Variants in BRAP observed in about 807,000 individuals in gnomAD.
BRAP encodes BRCA1-associated protein.
BRAP carries 42 observed loss-of-function variants against 73.4 expected under a neutral mutation model. The observed-to-expected ratio is 0.57, with a 90% CI of 0.45 to 0.74. The LOEUF (loss-of-function observed/expected upper bound fraction) is 0.74, where lower values mean the gene tolerates loss of function less well. BRAP is among the 30% of genes least tolerant of loss of function. The probability of loss-of-function intolerance (pLI) is 0.00; values close to 1 mark genes in which losing one functional copy is unlikely to be tolerated. For synonymous variants in BRAP, 255 were observed against 267.4 expected, an observed-to-expected ratio of 0.95 and a Z score of 0.45; for missense variants, 593 against 751.4, an observed-to-expected ratio of 0.79 and a Z score of 2.46.
intron 7 of BRAP, 88 bp downstream of exon 7, chr12:111,660,512 A>T (rs1886705779): frequency 8.7e-7 from 1 of 1,143,566 alleles, no homozygotes; most frequent in South Asian, 1.9e-5. Context: ...ATAAATTAAA[A>T]ATAAAGAACT....
At chr12:111,647,178 GGAGGACCACTT>G (rs1238160666) in intron 11 of BRAP, among the ~76,000 whole-genome samples, 15 of 152,126 alleles carry the variant, frequency 9.9e-5, no homozygotes, top group Non-Finnish European at 2.1e-4. Context: ...GCTCAGACTA[GGAGGACCACTT>G]GAGCCCAGTA....
chr12:111,671,502 A>G (rs538713073), intron 5 of BRAP, among the ~76,000 whole-genome samples: 13 of 152,134 alleles, frequency 8.5e-5, no homozygotes, highest in Admixed American at 3.9e-4. Context: ...GTGAGCCAAG[A>G]GAGTGCCACT....
intron 5 of BRAP, among the ~76,000 whole-genome samples, chr12:111,671,906 G>A (rs1186466483): frequency 1.3e-5 from 2 of 151,792 alleles, no homozygotes; most frequent in African/African-American, 4.8e-5. Flanking sequence ...GCCTGGTCTC[G>A]AATTCCTACA....
chr12:111,656,645 C>T (rs1331721479), intron 9 of BRAP, among the ~76,000 whole-genome samples: 2 of 152,198 alleles, frequency 1.3e-5, no homozygotes, highest in African/African-American at 4.8e-5. Context: ...TGCTACTGAA[C>T]CCTAAGCTCC....
rs1192153979 is a variant in BRAP, at chr12:111,681,845, G to T, written c.245-10C>A. The T allele has an allele frequency of 1.3e-6, 2 of 1,596,104 alleles. No individual in the cohort carries two copies. The highest frequency in any genetic ancestry group is 2.7e-5 in the African/African-American group (2 of 73,782). ...GTAGTTTTTAGTTCATCTTTCACCA[G>T]TTAAAAAATAGCAGATTATAAATGG... On this transcript the variant is annotated splice_polypyrimidine_tract_variant and intron_variant, in intron 2 of 11. Coordinates refer to ENST00000419234, the MANE Select transcript of BRAP (RefSeq NM_006768.5).
intron 4 of BRAP, among the ~76,000 whole-genome samples, chr12:111,676,693 G>A (rs1402918743): frequency 6.6e-6 from 1 of 152,178 alleles, no homozygotes; most frequent in Non-Finnish European, 1.5e-5. Context: ...TGGGATTAAA[G>A]GCATGAGGCA....
At position 111,665,766 on chromosome 12, in the gene BRAP, C is replaced by A. The variant is rs1566120105; in HGVS notation, c.769G>T (p.Asp257Tyr). 2 of 1,614,202 alleles carry A rather than the reference C, an allele frequency of 1.2e-6. No homozygotes were observed. The highest frequency in any genetic ancestry group is 1.6e-4 in the Middle Eastern group (1 of 6,062). Residue 257 changes from aspartate to tyrosine, a missense_variant, in exon 6 of 12, where the codon GAC (aspartate) becomes TAC (tyrosine). Around this residue, in one of 4 missense-constraint regions of BRAP, gnomAD observed 304 missense variants for 337.7 expected, o/e 0.90. Transcript: ENST00000419234. The surrounding 1 kb of genome is among the most constrained non-coding windows in gnomAD (Gnocchi z 4.3). ...SEDGASLPVM[D>Y]LTELPKCTVC... ...GTGCACTTGGGGAGTTCAGTCAGGT[C>A]CATCACTGGGAGGCTGGCGCCCTAC...
chr12:111,658,708 T>C (rs1388089228), intron 9 of BRAP, 28 bp downstream of exon 9: 1 of 1,403,578 alleles, frequency 7.1e-7, no homozygotes, highest in Non-Finnish European at 1.0e-6. Context: ...TAGAAACAGA[T>C]AGAGTGATAA....
intron 6 of BRAP, among the ~76,000 whole-genome samples, chr12:111,664,546 C>T (rs905670319): frequency 4.1e-4 from 62 of 152,162 alleles, no homozygotes; most frequent in African/African-American, 1.5e-3. Context: ...GACTCCTGTC[C>T]AGCTAAATAA....
intron 11 of BRAP, among the ~76,000 whole-genome samples, chr12:111,644,779 G>T (rs1333639179): frequency 6.6e-6 from 1 of 151,784 alleles, no homozygotes. Context: ...TTTTTGAGAC[G>T]GAGTTTCGCT....
At chr12:111,672,235 G>A (rs1171398870) in intron 5 of BRAP, among the ~76,000 whole-genome samples, 1 of 152,078 alleles carries the variant, frequency 6.6e-6, no homozygotes, top group East Asian at 1.9e-4. Context: ...AGAATTAGGA[G>A]TTAATATTGA....
At chr12:111,655,504 C>T (rs954721106) in intron 10 of BRAP, 62 bp downstream of exon 10, 5 of 1,328,424 alleles carry the variant, frequency 3.8e-6, no homozygotes, top group Non-Finnish European at 5.4e-6. Flanking sequence ...GCCTTCCACA[C>T]CCCCCATCAG....
chr12:111,651,165 A>C (rs948165322), intron 10 of BRAP, among the ~76,000 whole-genome samples: 2 of 147,670 alleles, frequency 1.4e-5, no homozygotes, highest in Non-Finnish European at 2.9e-5. Flanking sequence ...GATCAGCTAG[A>C]CCTTTCTTTT....
Position 111,672,940 on chromosome 12 carries a change from CT to C in BRAP, c.634-167del, listed in dbSNP as rs1233771057. On this transcript the variant is annotated intron_variant, in intron 4 of 11. Transcript: ENST00000419234. ...ACATCTACTGAAGCTGATTGGTAGG[CT>C]AATCACACTCTGTAAGTCAATATTC... The C allele has an allele frequency of 6.9e-6, 4 of 579,980 alleles. No homozygotes were observed. In the African/African-American group the frequency reaches 7.5e-5, roughly 11 times the overall value. 35.9% of individuals were successfully genotyped at this position (579,980 alleles called of 1,614,324 possible).
chr12:111,682,497 CAAAAAAA>C (rs11366915), intron 2 of BRAP, among the ~76,000 whole-genome samples: 3 of 77,906 alleles, frequency 3.9e-5, no homozygotes, highest in Non-Finnish European at 7.3e-5. Context: ...GAGACTGTCT[CAAAAAAA>C]AAAAAAAAAA....
In BRAP at chr12:111,665,514, G is replaced by T; in HGVS notation, c.896+125C>A. On this transcript the variant is annotated intron_variant, in intron 6 of 11. Coordinates refer to ENST00000419234, the MANE Select transcript of BRAP (RefSeq NM_006768.5). This position sits in a 1 kb window ranked among gnomAD's most constrained non-coding sequence, Gnocchi z 4.3. ...GATTCCCTGAACTTAGGAAAGGGAA[G>T]GAGAAAAAGGACCTCTTGAATAAAG... 7.5e-7 allele frequency: 1 copy of T among 1,332,066 alleles called. No homozygotes were observed. The highest frequency in any genetic ancestry group is 1.0e-6 in the Non-Finnish European group (1 of 981,568). The allele number at this position is 1,332,066 out of a possible 1,614,324, so 82.5% of individuals were successfully genotyped here.
chr12:111,677,194 G>A (rs555627438), intron 4 of BRAP, among the ~76,000 whole-genome samples: 4 of 152,208 alleles, frequency 2.6e-5, no homozygotes, highest in Non-Finnish European at 5.9e-5. Flanking sequence ...ACAGGTGACT[G>A]TGGTGGATTT....
chr12:111,677,865 G>A (rs1453406759), intron 4 of BRAP, among the ~76,000 whole-genome samples: 1 of 152,166 alleles, frequency 6.6e-6, no homozygotes, highest in Non-Finnish European at 1.5e-5. Context: ...TTTGTAAACA[G>A]AAAACATAAT....
chr12:111,645,129 C>T (rs1011060838), intron 11 of BRAP, among the ~76,000 whole-genome samples: 15 of 151,786 alleles, frequency 9.9e-5, no homozygotes, highest in African/African-American at 3.1e-4. Flanking sequence ...AATGCAGTGG[C>T]GTGATCTTGG....
Sources: allele counts gnomAD v4.1 joint callset (sites outside exome capture counted in the v4.1 genomes callset), GRCh38; gene constraint gnomAD v4.1.1; regional missense constraint gnomAD v4.1.1; non-coding constraint Gnocchi (gnomAD v3.1); transcripts MANE v1.5; gene names NCBI Gene and HGNC (gene_info 2026-07-23, HGNC 2026-07-21).